The following LYPD6B variants were observed in gnomAD, a reference collection of about 807,000 sequenced individuals.
LYPD6B encodes the protein LY6/PLAUR domain containing 6B, also known as ly6/PLAUR domain-containing protein 6B.
Under a neutral mutation model 22.8 loss-of-function variants are expected in LYPD6B, and 17 were observed. That is an observed-to-expected ratio of 0.75 (90% CI 0.51 to 1.12). The LOEUF is 1.12. LYPD6B is among the 50% of genes most tolerant of loss of function. The pLI, the probability that LYPD6B is intolerant of heterozygous loss-of-function variation, is 0.00. For missense variants in LYPD6B, 221 were observed against 258.3 expected (o/e 0.86, Z 0.99); for synonymous variants, 106 against 91.6 (o/e 1.16, Z -0.90).
chr2:149,115,576 A>T (rs547443430), intron 1 of LYPD6B, among the ~76,000 whole-genome samples: 1 of 152,124 alleles, frequency 6.6e-6, no homozygotes, highest in Non-Finnish European at 1.5e-5. Flanking sequence ...TTAATTGCTT[A>T]TGTGAGACCT....
At position 149,213,106 on chromosome 2, in the gene LYPD6B, G is replaced by A. The variant is rs746757583; in HGVS notation, c.443G>A (p.Arg148Gln). Residue 148 changes from arginine (R) to glutamine (Q), a missense_variant, in exon 6 of 7, where the codon CGA (arginine) becomes CAA (glutamine). By Grantham distance (43) the Arg-to-Gln change is conservative (BLOSUM62 1). Coordinates refer to ENST00000409642, the MANE Select transcript of LYPD6B (RefSeq NM_177964.5). ...ECHFVGCHHS[R>Q]DSEHTECRSC... ...CATTTTGTCGGTTGCCACCACAGCC[G>A]AGATTCTGAACATACGGTAAGGATC... The A allele has an allele frequency of 7.4e-6, 12 of 1,613,528 alleles. 1 individual carries two copies. Among genetic ancestry groups the A allele is most frequent in the African/African-American group, 4.0e-5 (3 of 74,834 alleles).
At chr2:149,052,771 AG>A (rs2105290949) in intron 1 of LYPD6B, among the ~76,000 whole-genome samples, 1 of 152,326 alleles carries the variant, frequency 6.6e-6, no homozygotes, top group African/African-American at 2.4e-5. Context: ...TCCCTGTTTT[AG>A]TTTACCTTGA....
intron 1 of LYPD6B, among the ~76,000 whole-genome samples, chr2:149,053,546 A>G (rs537588671): frequency 6.6e-6 from 1 of 152,342 alleles, no homozygotes; most frequent in South Asian, 2.1e-4. Flanking sequence ...CATCAATAGT[A>G]TATGAAAGTA....
intron 2 of LYPD6B, among the ~76,000 whole-genome samples, chr2:149,139,283 G>C (rs528765182): frequency 1.3e-5 from 2 of 152,172 alleles, no homozygotes; most frequent in African/African-American, 2.4e-5. Context: ...GCAATAGAAA[G>C]GGGGCAGCTC....
intron 1 of LYPD6B, among the ~76,000 whole-genome samples, chr2:149,120,376 TATA>T (rs1687247042): frequency 2.2e-5 from 1 of 45,536 alleles, no homozygotes; most frequent in African/African-American, 9.5e-5. Flanking sequence ...TATATATATA[TATA>T]TATATTTTTT....
chr2:149,071,553 A>G (rs1255717636), intron 1 of LYPD6B, among the ~76,000 whole-genome samples: 2 of 152,216 alleles, frequency 1.3e-5, no homozygotes, highest in Non-Finnish European at 2.9e-5. Flanking sequence ...CTATAGAAAT[A>G]GGACTCGAAT....
chr2:149,079,378 A>G (rs575499051), intron 1 of LYPD6B, among the ~76,000 whole-genome samples: 1 of 152,248 alleles, frequency 6.6e-6, no homozygotes, highest in African/African-American at 2.4e-5. Flanking sequence ...CATAATAACC[A>G]GAGATCAATT....
intron 1 of LYPD6B, among the ~76,000 whole-genome samples, chr2:149,042,068 T>G (rs1399542611): frequency 6.6e-6 from 1 of 152,226 alleles, no homozygotes; most frequent in African/African-American, 2.4e-5. Flanking sequence ...TTGAGAACAC[T>G]TAGTTGCTCT....
chr2:149,166,918 T>G (rs1422021137), intron 3 of LYPD6B, among the ~76,000 whole-genome samples: 2 of 152,044 alleles, frequency 1.3e-5, no homozygotes, highest in East Asian at 3.9e-4. Flanking sequence ...ACCAAAAACT[T>G]CTCAGGACAG....
At chr2:149,175,061 C>CTCTGTGTGTGTGTGTGTGTG (rs1454802925) in intron 3 of LYPD6B, among the ~76,000 whole-genome samples, 1 of 113,002 alleles carries the variant, frequency 8.8e-6, no homozygotes, top group African/African-American at 3.2e-5. Flanking sequence ...CTCTCTCTCT[C>CTCTGTGTGTGTGTGTGTGTG]TGTGTGTGTG....
intron 2 of LYPD6B, among the ~76,000 whole-genome samples, chr2:149,138,649 C>G (rs1232401944): frequency 1.3e-5 from 2 of 152,160 alleles, no homozygotes; most frequent in Admixed American, 1.3e-4. Context: ...TCAAGCAATC[C>G]TGTCACCTCA....
At chr2:149,173,456 A>G (rs1333049035) in intron 3 of LYPD6B, among the ~76,000 whole-genome samples, 1 of 141,016 alleles carries the variant, frequency 7.1e-6, no homozygotes, top group Non-Finnish European at 1.5e-5. Flanking sequence ...TCTTATCTTC[A>G]TTCAAGTAAT....
intron 1 of LYPD6B, among the ~76,000 whole-genome samples, chr2:149,127,317 G>T (rs972263651): frequency 6.6e-6 from 1 of 152,014 alleles, no homozygotes; most frequent in East Asian, 1.9e-4. Context: ...TAACAGTATC[G>T]AGGGCTCAAA....
At chr2:149,121,692 C>G (rs1687368582) in intron 1 of LYPD6B, among the ~76,000 whole-genome samples, 1 of 152,180 alleles carries the variant, frequency 6.6e-6, no homozygotes, top group Admixed American at 6.5e-5. Flanking sequence ...AAGTAATGTT[C>G]CATGAGCACT....
intron 3 of LYPD6B, among the ~76,000 whole-genome samples, chr2:149,176,828 G>A (rs1464811199): frequency 6.6e-6 from 1 of 152,148 alleles, no homozygotes; most frequent in Non-Finnish European, 1.5e-5. Context: ...GACGTCCCAT[G>A]CAGCCATATA....
chr2:149,153,676 G>A (rs190636312), intron 2 of LYPD6B, among the ~76,000 whole-genome samples: 169 of 152,216 alleles, frequency 1.1e-3, no homozygotes, highest in South Asian at 5.6e-3. Flanking sequence ...TCGGGAGGCT[G>A]AAGCAGGGGA....
intron 1 of LYPD6B, among the ~76,000 whole-genome samples, chr2:149,093,526 G>C (rs1685764630): frequency 6.6e-6 from 1 of 152,122 alleles, no homozygotes; most frequent in South Asian, 2.1e-4. Context: ...GTTTCTCTAA[G>C]TGCCCATGGG....
In LYPD6B at chr2:149,088,753, CA is replaced by C. The variant is rs1295258775; in HGVS notation, c.-66-42126del. 2.0e-5 allele frequency among the ~76,000 whole-genome samples: 3 copies of C among 152,108 alleles called. No homozygotes were observed. In the East Asian group the frequency reaches 5.8e-4, roughly 29 times the overall value. ...GTAGGACCATTGTGCAATGACTAAACAAAACGTTGTGGCATTGACAACTTAG... is the reference window on the plus strand; with the variant it reads ...GTAGGACCATTGTGCAATGACTAAACAAACGTTGTGGCATTGACAACTTAG... On this transcript the variant is annotated intron_variant, in intron 1 of 6. Coordinates refer to ENST00000409642, the MANE Select transcript of LYPD6B (RefSeq NM_177964.5).
chr2:149,086,200 G>A (rs1274143710), intron 1 of LYPD6B, among the ~76,000 whole-genome samples: 2 of 152,186 alleles, frequency 1.3e-5, no homozygotes, highest in Non-Finnish European at 1.5e-5. Context: ...TCATGCCAGT[G>A]TAAAACAGCC....
Sources: gnomAD v4.1 joint callset for allele counts (sites outside exome capture counted in the v4.1 genomes callset) on GRCh38, gnomAD v4.1.1 for gene constraint, MANE v1.5 for transcripts, NCBI Gene and HGNC (gene_info 2026-07-23, HGNC 2026-07-21) for gene names.